The following LDHC variants were observed in gnomAD, a reference collection of about 807,000 sequenced individuals.
LDHC encodes the protein lactate dehydrogenase C.
LDHC carries 20 observed loss-of-function variants against 30.2 expected under a neutral mutation model. That is an observed-to-expected ratio of 0.66 (90% CI 0.47 to 0.96). LDHC has a LOEUF of 0.96. Ranked by LOEUF, LDHC falls within the 40% of genes least tolerant of loss-of-function variation. The pLI is 0.00. For synonymous variants in LDHC, 139 were observed against 132.7 expected, an observed-to-expected ratio of 1.05 and a Z score of -0.32; for missense variants, 362 against 394.9, an observed-to-expected ratio of 0.92 and a Z score of 0.71.
intron 6 of LDHC, among the ~76,000 whole-genome samples, chr11:18,439,727 T>C (rs1848423648): frequency 7.1e-6 from 1 of 140,548 alleles, no homozygotes; most frequent in East Asian, 2.1e-4. Flanking sequence ...ATAATCCCAA[T>C]ACTTTGGGAG....
At chr11:18,422,331 G>C (rs1464903071) in intron 3 of LDHC, among the ~76,000 whole-genome samples, 1 of 151,998 alleles carries the variant, frequency 6.6e-6, no homozygotes, top group Non-Finnish European at 1.5e-5. Context: ...TGAGGTGGTG[G>C]ATCACTTAAG....
chr11:18,425,155 G>A (rs1848139478), intron 3 of LDHC, among the ~76,000 whole-genome samples: 2 of 151,892 alleles, frequency 1.3e-5, no homozygotes, highest in South Asian at 4.1e-4. Flanking sequence ...CCAAGGTGTT[G>A]ACAATGTTCT....
intron 6 of LDHC, among the ~76,000 whole-genome samples, chr11:18,438,870 G>A (rs1399707160): frequency 6.6e-6 from 1 of 152,160 alleles, no homozygotes; most frequent in Non-Finnish European, 1.5e-5. Flanking sequence ...AGTAATAAAA[G>A]CATAGTGATT....
In LDHC at chr11:18,446,209, G is replaced by A. The variant is rs1029645078; in HGVS notation, c.711-1G>A. The A allele has an allele frequency of 1.3e-6, 2 of 1,599,132 alleles. No individual in the cohort carries two copies. Among genetic ancestry groups the A allele is most frequent in the Non-Finnish European group, 1.7e-6 (2 of 1,166,808 alleles). ...GATTTTCTTACTTTCTACAACTGTAGTGCCTATGAAATTATCAAGCTGAAG... is the reference window on the plus strand; with the variant it reads ...GATTTTCTTACTTTCTACAACTGTAATGCCTATGAAATTATCAAGCTGAAG... On this transcript the variant is annotated splice_acceptor_variant, in intron 6 of 7. Transcript: ENST00000541669. LOFTEE classifies it high-confidence loss of function.
At chr11:18,417,545 C>A (rs1244102520) in intron 3 of LDHC, among the ~76,000 whole-genome samples, 1 of 152,170 alleles carries the variant, frequency 6.6e-6, no homozygotes, top group Non-Finnish European at 1.5e-5. Flanking sequence ...AGGTGCACAG[C>A]ACCACACCCA....
intron 3 of LDHC, among the ~76,000 whole-genome samples, chr11:18,420,087 C>T (rs1867090072): frequency 1.3e-5 from 2 of 148,984 alleles, no homozygotes; most frequent in Admixed American, 6.6e-5. Flanking sequence ...AGTGAGACTC[C>T]GTCTTAGAAC....
At chr11:18,424,497 A>T (rs1397260228) in intron 3 of LDHC, among the ~76,000 whole-genome samples, 3 of 152,210 alleles carry the variant, frequency 2.0e-5, no homozygotes, top group Non-Finnish European at 4.4e-5. Context: ...ACTTTTGCAC[A>T]TGCGCACTAG....
rs1848327032 is a variant in LDHC, at chr11:18,434,788, C to G, written c.467C>G (p.Thr156Ser). The change falls in exon 5 of 8, where the codon ACT becomes AGT. Residue 156 changes from threonine to serine, a missense_variant. Physicochemically the swap from Thr to Ser is moderately conservative, Grantham distance 58. Coordinates refer to ENST00000541669, the MANE Select transcript of LDHC (RefSeq NM_017448.5). ...TGGAAGATAAGTGGCTTACCTGTAACTCGTGTAATTGGAAGTGGTTGTAAT... is the reference window on the plus strand; with the variant it reads ...TGGAAGATAAGTGGCTTACCTGTAAGTCGTGTAATTGGAAGTGGTTGTAAT... ...IVWKISGLPV[T>S]RVIGSGCNLD... is the part of the protein sequence containing the mutation. 6.2e-7 allele frequency: 1 copy of G among 1,609,922 alleles called. No homozygotes were observed. Among genetic ancestry groups the G allele is most frequent in the Non-Finnish European group, 8.5e-7 (1 of 1,176,290 alleles).
intron 4 of LDHC, among the ~76,000 whole-genome samples, chr11:18,431,501 C>A (rs74741949): frequency 0.15 from 22,720 of 152,030 alleles, 1,878 homozygotes; most frequent in African/African-American, 0.21. Context: ...AAATAAAATA[C>A]ATTTTAGCCA....
intron 5 of LDHC, among the ~76,000 whole-genome samples, chr11:18,436,005 A>G (rs964567038): frequency 8.5e-5 from 13 of 152,328 alleles, no homozygotes; most frequent in African/African-American, 2.9e-4. Context: ...CAATAAACCA[A>G]TTGAGAATAA....
intron 4 of LDHC, 134 bp from the exon 5 acceptor site, chr11:18,434,606 C>T: frequency 1.7e-6 from 1 of 597,606 alleles, no homozygotes; most frequent in Non-Finnish European, 3.0e-6. Context: ...AGCCACCGCA[C>T]CCAGCCAGTG....
At chr11:18,420,693 A>G (rs1867108314) in intron 3 of LDHC, among the ~76,000 whole-genome samples, 1 of 151,708 alleles carries the variant, frequency 6.6e-6, no homozygotes, top group Non-Finnish European at 1.5e-5. Context: ...GTTTTCAGAA[A>G]CAGACTGAGA....
intron 7 of LDHC, among the ~76,000 whole-genome samples, chr11:18,446,702 A>T (rs1311616401): frequency 6.6e-6 from 1 of 152,226 alleles, no homozygotes; most frequent in Non-Finnish European, 1.5e-5. Context: ...TTTTCTCTCC[A>T]TTCTCTTGGC....
At chr11:18,417,826 G>C (rs949681298) in intron 3 of LDHC, among the ~76,000 whole-genome samples, 1 of 152,074 alleles carries the variant, frequency 6.6e-6, no homozygotes, top group African/African-American at 2.4e-5. Context: ...ATGTAACATT[G>C]GGAGGCTGAT....
intron 6 of LDHC, among the ~76,000 whole-genome samples, chr11:18,442,660 CTTTTTT>C (rs34884188): frequency 2.1e-4 from 24 of 112,624 alleles, no homozygotes; most frequent in Non-Finnish European, 3.9e-4. Flanking sequence ...TTCTCTCTCT[CTTTTTT>C]TTTTTTTTTT....
At chr11:18,436,778 A>C (rs1287923619) in intron 5 of LDHC, among the ~76,000 whole-genome samples, 1 of 151,792 alleles carries the variant, frequency 6.6e-6, no homozygotes, top group East Asian at 1.9e-4. Context: ...GAGCCACTGC[A>C]CCCGGCCGGG....
rs1257718550 is a variant in LDHC, at chr11:18,434,877, C to T, written c.556C>T (p.His186Tyr). The T allele has an allele frequency of 2.5e-6, 4 of 1,613,224 alleles. No homozygotes were observed. Among genetic ancestry groups the T allele is most frequent in the East Asian group, 4.5e-5 (2 of 44,886 alleles). Residue 186 changes from histidine (H) to tyrosine (Y), a missense_variant, in exon 5 of 8, where the codon CAT becomes TAT. Transcript: ENST00000541669. ...GTTGGGTGTCCACCCCACAAGCTGC[C>T]ATGGTTGGATTATTGGAGAACATGG... ...EKLGVHPTSC[H>Y]GWIIGEHGDS...
At chr11:18,442,637 A>G (rs1848486440) in intron 6 of LDHC, among the ~76,000 whole-genome samples, 1 of 147,244 alleles carries the variant, frequency 6.8e-6, no homozygotes, top group African/African-American at 2.5e-5. Flanking sequence ...ATTCAATCAC[A>G]TGTTTTATCT....
intron 2 of LDHC, 49 bp from the exon 3 acceptor site, chr11:18,415,135 C>A: frequency 2.0e-6 from 2 of 1,002,608 alleles, no homozygotes; most frequent in Non-Finnish European, 3.1e-6. Flanking sequence ...TTCTTATTCT[C>A]CTAAAACTTA....
Sources: allele counts gnomAD v4.1 joint callset (sites outside exome capture counted in the v4.1 genomes callset), GRCh38; gene constraint gnomAD v4.1.1; transcripts MANE v1.5; gene names NCBI Gene and HGNC (gene_info 2026-07-23, HGNC 2026-07-21).